IGF1R: variants seen among roughly 807,000 people sequenced by gnomAD.
IGF1R encodes the protein insulin like growth factor 1 receptor.
Under a neutral mutation model 144.6 loss-of-function variants are expected in IGF1R, and 44 were observed. The observed-to-expected ratio is 0.30, with a 90% CI of 0.24 to 0.39. The LOEUF (loss-of-function observed/expected upper bound fraction) is 0.39, where lower values mean the gene tolerates loss of function less well. IGF1R is among the 10% of genes least tolerant of loss of function. The pLI, the probability that IGF1R is intolerant of heterozygous loss-of-function variation, is 1.00. For synonymous variants in IGF1R, 795 were observed against 722.8 expected, an observed-to-expected ratio of 1.10 and a Z score of -1.60; for missense variants, 1,355 against 1,833.7, an observed-to-expected ratio of 0.74 and a Z score of 4.77.
At position 98,957,235 on chromosome 15, in the gene IGF1R, C is replaced by T. The variant is rs376413435; in HGVS notation, c.3897C>T (p.Asn1299=). 1 of 1,614,236 alleles carries T rather than the reference C, an allele frequency of 6.2e-7. No individual in the cohort carries two copies. The highest frequency in any genetic ancestry group is 8.5e-7 in the Non-Finnish European group (1 of 1,180,052). ...EPEELDLEPE[N]MESVPLDPSA... ...AGGAGCTGGACCTGGAGCCAGAGAA[C>T]ATGGAGAGCGTCCCCCTGGACCCCT... is the stretch of plus-strand genomic sequence containing the variant. Residue 1299 remains asparagine (N), a synonymous_variant, in exon 21 of 21, where the codon AAC becomes AAT. Transcript: ENST00000650285.
At chr15:98,792,348 G>A (rs2056145885) in intron 2 of IGF1R, among the ~76,000 whole-genome samples, 2 of 152,176 alleles carry the variant, frequency 1.3e-5, no homozygotes, top group African/African-American at 2.4e-5. Context: ...CATTTATAAG[G>A]CATTTCTATG....
At chr15:98,764,965 C>G (rs1339512246) in intron 2 of IGF1R, among the ~76,000 whole-genome samples, 1 of 152,160 alleles carries the variant, frequency 6.6e-6, no homozygotes, top group Admixed American at 6.5e-5. Flanking sequence ...CAGTTAATCC[C>G]CATTCCCCTT....
chr15:98,754,471 T>C (rs1156843341), intron 2 of IGF1R, among the ~76,000 whole-genome samples: 2 of 152,218 alleles, frequency 1.3e-5, no homozygotes, highest in African/African-American at 4.8e-5. Context: ...AGGTTGGTGT[T>C]GTGGTTGTGA....
At chr15:98,696,608 G>A (rs1039881867) in intron 1 of IGF1R, among the ~76,000 whole-genome samples, 6 of 152,212 alleles carry the variant, frequency 3.9e-5, no homozygotes, top group African/African-American at 1.4e-4. Flanking sequence ...TCACTTTGTA[G>A]CAGTGTTTTT....
intron 2 of IGF1R, among the ~76,000 whole-genome samples, chr15:98,762,377 C>T (rs192271202): frequency 2.6e-5 from 4 of 151,962 alleles, no homozygotes; most frequent in African/African-American, 9.6e-5. Context: ...ATTTGTGAAC[C>T]TCGTGATTCT....
rs1282890392 is a variant in IGF1R, at chr15:98,696,719, G to C, written c.95-10843G>C. 2.0e-5 allele frequency among the ~76,000 whole-genome samples: 3 copies of C among 152,294 alleles called. No homozygotes were observed. The East Asian group carries it at 5.8e-4, about 29-fold the overall frequency. Reference sequence around the variant, plus strand: ...TCGGGCTATGATTGGCTGTCATCTGGAGCAGAGTGGGACTGAGCTGCTCAG... The same window carrying C: ...TCGGGCTATGATTGGCTGTCATCTGCAGCAGAGTGGGACTGAGCTGCTCAG... On this transcript the variant is annotated intron_variant, in intron 1 of 20. Coordinates refer to ENST00000650285, the MANE Select transcript of IGF1R (RefSeq NM_000875.5).
chr15:98,839,991 T>C (rs773366772), intron 2 of IGF1R, among the ~76,000 whole-genome samples: 3 of 152,240 alleles, frequency 2.0e-5, no homozygotes, highest in Non-Finnish European at 2.9e-5. Flanking sequence ...TTATTTATCA[T>C]GGGATTACTT....
intron 2 of IGF1R, among the ~76,000 whole-genome samples, chr15:98,878,083 C>T (rs558334163): frequency 2.0e-5 from 3 of 152,332 alleles, no homozygotes; most frequent in South Asian, 2.1e-4. Flanking sequence ...GGCAGTGTAT[C>T]GGTAGCATTG....
rs527279865 is a variant in IGF1R at position 98,698,447 on chromosome 15, A to G, written c.95-9115A>G. On this transcript the variant is annotated intron_variant, in intron 1 of 20. Transcript: ENST00000650285. The stretch of plus-strand genomic sequence containing the variant: ...AAAAACGGAAACTCTGTACCCATTA[A>G]TAACTCCCATTCTCTCCTACCACAG... Among the ~76,000 whole-genome samples, 8 of 152,350 alleles carry G rather than the reference A, an allele frequency of 5.3e-5. No individual in the cohort carries two copies. The East Asian group carries it at 7.7e-4, about 15-fold the overall frequency.
intron 3 of IGF1R, chr15:98,893,596 A>T (rs2014035250): frequency 6.6e-6 from 1 of 152,220 alleles, no homozygotes; most frequent in Non-Finnish European, 1.5e-5. Context: ...GGGTGGGGTT[A>T]GGGGAGTGGT....
At chr15:98,878,948 A>G (rs2013224443) in intron 2 of IGF1R, among the ~76,000 whole-genome samples, 1 of 152,114 alleles carries the variant, frequency 6.6e-6, no homozygotes, top group Admixed American at 6.5e-5. Context: ...GTGAGCCGAA[A>G]TTGTGCCATT....
At chr15:98,749,125 T>C (rs1298898364) in intron 2 of IGF1R, among the ~76,000 whole-genome samples, 2 of 152,138 alleles carry the variant, frequency 1.3e-5, no homozygotes, top group Non-Finnish European at 1.5e-5. Flanking sequence ...AAAAATTTCA[T>C]TTAGGTAGGC....
intron 4 of IGF1R, 152 bp downstream of exon 4, chr15:98,897,057 GT>G: frequency 1.4e-6 from 1 of 711,470 alleles, no homozygotes; most frequent in South Asian, 1.7e-5. Context: ...TCTTCTTTGA[GT>G]TTCCCTGAAA....
At position 98,704,630 on chromosome 15, in the gene IGF1R, G is replaced by A. The variant is rs1422411262; in HGVS notation, c.95-2932G>A. Among the ~76,000 whole-genome samples the A allele has an allele frequency of 1.3e-5, 2 of 152,208 alleles. No individual in the cohort carries two copies. The highest frequency in any genetic ancestry group is 2.4e-5 in the African/African-American group (1 of 41,456). ...TCATTCTGCGTGTGTCCCATGTCAT[G>A]TGTCCGCTGCACACCAAGTACTGTT... On this transcript the variant is annotated intron_variant, in intron 1 of 20. Coordinates refer to ENST00000650285, the MANE Select transcript of IGF1R (RefSeq NM_000875.5). The surrounding 1 kb of genome is among the most constrained non-coding windows in gnomAD (Gnocchi z 4.9).
chr15:98,780,870 A>T (rs2055846035), intron 2 of IGF1R, among the ~76,000 whole-genome samples: 1 of 152,114 alleles, frequency 6.6e-6, no homozygotes, highest in Non-Finnish European at 1.5e-5. Context: ...GGATGTATTT[A>T]CAGAAAATCT....
chr15:98,685,274 C>T (rs1333317248), intron 1 of IGF1R, among the ~76,000 whole-genome samples: 1 of 152,130 alleles, frequency 6.6e-6, no homozygotes, highest in Non-Finnish European at 1.5e-5. Flanking sequence ...AAGAATGATG[C>T]TGTGCTTGCC....
At chr15:98,652,840 G>A (rs1289008143) in intron 1 of IGF1R, among the ~76,000 whole-genome samples, 1 of 151,988 alleles carries the variant, frequency 6.6e-6, no homozygotes. Flanking sequence ...AGTTTGTGGC[G>A]ATGGCTGCAT....
At chr15:98,864,665 C>T (rs932870691) in intron 2 of IGF1R, among the ~76,000 whole-genome samples, 2 of 152,094 alleles carry the variant, frequency 1.3e-5, no homozygotes, top group Non-Finnish European at 2.9e-5. Flanking sequence ...TGATTACAGG[C>T]GGGAGCCACA....
rs1355254559 is a variant in IGF1R at position 98,957,973 on chromosome 15, T to C, written c.*531T>C. 4.2e-6 allele frequency: 1 copy of C among 235,772 alleles called. No individual in the cohort carries two copies. Among genetic ancestry groups the C allele is most frequent in the African/African-American group, 2.2e-5 (1 of 45,310 alleles). The allele number at this position is 235,772 out of a possible 1,614,324, so 14.6% of individuals were successfully genotyped here. On this transcript the variant is annotated 3_prime_UTR_variant, in exon 21 of 21. Coordinates refer to ENST00000650285, the MANE Select transcript of IGF1R (RefSeq NM_000875.5). Reference sequence around the variant, plus strand: ...CTTTCACCTTTCTAGGGACATGAAATTTACAAAGGGCCATCGTTCATCCAA... The same window carrying C: ...CTTTCACCTTTCTAGGGACATGAAACTTACAAAGGGCCATCGTTCATCCAA...
Sources: allele counts gnomAD v4.1 joint callset (sites outside exome capture counted in the v4.1 genomes callset), GRCh38; gene constraint gnomAD v4.1.1; non-coding constraint Gnocchi (gnomAD v3.1); transcripts MANE v1.5; gene names NCBI Gene and HGNC (gene_info 2026-07-23, HGNC 2026-07-21).